The following GRAMD1C variants were observed in gnomAD, a reference collection of about 807,000 sequenced individuals.
GRAMD1C encodes protein Aster-C.
In GRAMD1C, 89 loss-of-function variants were observed where a neutral mutation model predicts 97.8. The ratio of observed to expected loss-of-function variants is 0.91; its 90% CI spans 0.77 to 1.09. GRAMD1C has a LOEUF of 1.09. Ranked by LOEUF, GRAMD1C falls within the 50% of genes least tolerant of loss-of-function variation. GRAMD1C has a pLI of 0.00. For missense variants in GRAMD1C, 740 were observed against 766.4 expected (o/e 0.97, Z 0.41); for synonymous variants, 256 against 267.0 (o/e 0.96, Z 0.40).
chr3:113,885,260 T>G, intron 6 of GRAMD1C: 1 of 1,255,608 alleles, frequency 8.0e-7, no homozygotes, highest in Non-Finnish European at 1.1e-6. Context: ...AGCTGGGCCG[T>G]GGGGGCCTCC....
At chr3:113,865,828 C>T (rs547096231) in intron 2 of GRAMD1C, among the ~76,000 whole-genome samples, 1 of 152,044 alleles carries the variant, frequency 6.6e-6, no homozygotes, top group Non-Finnish European at 1.5e-5. Context: ...TTTTCATATA[C>T]AGCTGTCAAG....
intron 14 of GRAMD1C, 132 bp downstream of exon 14, chr3:113,936,574 ACT>A (rs1937582786): frequency 3.5e-6 from 2 of 578,454 alleles, no homozygotes; most frequent in Non-Finnish European, 6.0e-6. Flanking sequence ...TGTTTATCAA[ACT>A]CTGATTTCCT....
intron 10 of GRAMD1C, among the ~76,000 whole-genome samples, chr3:113,920,699 C>G (rs1031478312): frequency 2.0e-5 from 3 of 151,930 alleles, no homozygotes; most frequent in Non-Finnish European, 4.4e-5. Context: ...CGCCACCATA[C>G]CCAGCTAATT....
intron 9 of GRAMD1C, among the ~76,000 whole-genome samples, chr3:113,912,097 A>G (rs1032296676): frequency 3.3e-5 from 5 of 152,192 alleles, no homozygotes; most frequent in Non-Finnish European, 5.9e-5. Context: ...GGGCTTTAAC[A>G]GAATAATTTG....
intron 2 of GRAMD1C, among the ~76,000 whole-genome samples, chr3:113,864,744 A>C (rs1934519311): frequency 6.6e-6 from 1 of 152,172 alleles, no homozygotes; most frequent in Non-Finnish European, 1.5e-5. Context: ...ATCTCTAAGA[A>C]GTTTCAGACT....
intron 5 of GRAMD1C, among the ~76,000 whole-genome samples, chr3:113,882,432 T>C (rs1935303929): frequency 6.6e-6 from 1 of 152,182 alleles, no homozygotes; most frequent in Non-Finnish European, 1.5e-5. Flanking sequence ...GTTTCATTTT[T>C]TCATAATTTT....
chr3:113,873,718 C>T (rs974845574), intron 3 of GRAMD1C, among the ~76,000 whole-genome samples: 1 of 152,066 alleles, frequency 6.6e-6, no homozygotes, highest in African/African-American at 2.4e-5. Context: ...GAGGTTTCAC[C>T]GTGTTGGCCA....
intron 2 of GRAMD1C, among the ~76,000 whole-genome samples, chr3:113,861,960 C>G (rs1282568222): frequency 6.6e-6 from 1 of 151,982 alleles, no homozygotes; most frequent in Non-Finnish European, 1.5e-5. Context: ...GCCCTCGAGC[C>G]GTAAAACCAG....
At chr3:113,829,489 T>C (rs1709531095) in intron 1 of GRAMD1C, among the ~76,000 whole-genome samples, 2 of 151,958 alleles carry the variant, frequency 1.3e-5, no homozygotes, top group African/African-American at 4.8e-5. Context: ...GTGTCCATTC[T>C]GTGTTTGCAT....
intron 2 of GRAMD1C, among the ~76,000 whole-genome samples, chr3:113,863,993 T>C (rs1423655161): frequency 6.6e-6 from 1 of 152,226 alleles, no homozygotes; most frequent in Non-Finnish European, 1.5e-5. Context: ...ATTTTCCAAA[T>C]TTTTATGCTC....
chr3:113,900,979 A>T (rs1456480124), intron 6 of GRAMD1C, 52 bp from the exon 7 acceptor site: 6 of 911,562 alleles, frequency 6.6e-6, no homozygotes, highest in Non-Finnish European at 1.1e-5. Context: ...AATCACTGTG[A>T]TATTATATTT....
chr3:113,937,300 A>G (rs1404601773), intron 14 of GRAMD1C, among the ~76,000 whole-genome samples: 5 of 152,206 alleles, frequency 3.3e-5, no homozygotes, highest in African/African-American at 1.2e-4. Context: ...AGTGTTGACT[A>G]TGTTTATCCA....
chr3:113,850,349 C>G (rs528010139), intron 2 of GRAMD1C: 2 of 757,926 alleles, frequency 2.6e-6, no homozygotes, highest in Non-Finnish European at 4.8e-6. Flanking sequence ...CACAAAACTC[C>G]GTCTGTAGGT....
chr3:113,934,450 A>G lies in GRAMD1C; in HGVS notation c.1371A>G (p.Lys457=). Residue 457 remains lysine, a synonymous_variant, in exon 13 of 18, where the codon AAA becomes AAG. Coordinates refer to ENST00000358160, the MANE Select transcript of GRAMD1C (RefSeq NM_017577.5). Reference sequence around the variant, plus strand: ...CTACTAGAGTTTCCACAGATTTGAAATACAGAAAACAGCCATGGGGCCTTG... The same window carrying G: ...CTACTAGAGTTTCCACAGATTTGAAGTACAGAAAACAGCCATGGGGCCTTG... The part of the protein sequence containing the change: ...KCRLRVSTDL[K]YRKQPWGLVK... The G allele has an allele frequency of 6.5e-7, 1 of 1,537,608 alleles. No homozygotes were observed. The highest frequency in any genetic ancestry group is 8.9e-7 in the Non-Finnish European group (1 of 1,120,958).
chr3:113,887,085 G>GTTTTTTTTGTT (rs1935524857), intron 6 of GRAMD1C, among the ~76,000 whole-genome samples: 1 of 71,456 alleles, frequency 1.4e-5, no homozygotes, highest in African/African-American at 4.5e-5. Flanking sequence ...TGGCCTTTTT[G>GTTTTTTTTGTT]TTTTTTTTTT....
rs1559795704 is a variant in GRAMD1C, at chr3:113,887,092, TTTTG to T, written c.540+4264_540+4267del. ...ACTGCGCCTGGCCTTTTTGTTTTTTTTTTGTTTTTTTTTTTTTTTGAGATAGAGT... is the reference window on the plus strand; with the variant it reads ...ACTGCGCCTGGCCTTTTTGTTTTTTTTTTTTTTTTTTTTTTGAGATAGAGT... On this transcript the variant is annotated intron_variant, in intron 6 of 17. Transcript: ENST00000358160. Among the ~76,000 whole-genome samples, 7 of 113,258 alleles carry T rather than the reference TTTTG, an allele frequency of 6.2e-5. 1 individual carries two copies. The highest frequency in any genetic ancestry group is 9.7e-5 in the Admixed American group (1 of 10,294). 74.3% of individuals were successfully genotyped at this position (113,258 alleles called of 152,430 possible).
chr3:113,921,598 T>A (rs1227168583), intron 10 of GRAMD1C, among the ~76,000 whole-genome samples: 1 of 152,230 alleles, frequency 6.6e-6, no homozygotes, highest in Non-Finnish European at 1.5e-5. Context: ...GCATTCCTTT[T>A]TCTCTGCAAC....
chr3:113,831,755 A>G (rs1709560128), intron 1 of GRAMD1C, among the ~76,000 whole-genome samples: 1 of 142,944 alleles, frequency 7.0e-6, no homozygotes. Flanking sequence ...TTTCAGCTCC[A>G]GAGTTTCTAT....
chr3:113,930,796 A>G lies in GRAMD1C; in HGVS notation c.1173A>G (p.Pro391=), dbSNP rs767145913. 1.9e-6 allele frequency: 3 copies of G among 1,609,330 alleles called. No individual in the cohort carries two copies. The highest frequency in any genetic ancestry group is 1.7e-5 in the Admixed American group (1 of 60,014). ...TMTYTIVLNS[P]LTGKCTAATE... ...CCTACACTATAGTCCTTAATAGTCC[A>G]CTTACTGGAAAATGCACTGCTGCCA... The change falls in exon 11 of 18, where the codon CCA becomes CCG. Residue 391 remains proline, a synonymous_variant. Coordinates refer to ENST00000358160, the MANE Select transcript of GRAMD1C (RefSeq NM_017577.5).
Sources: gnomAD v4.1 joint callset for allele counts (sites outside exome capture counted in the v4.1 genomes callset) on GRCh38, gnomAD v4.1.1 for gene constraint, MANE v1.5 for transcripts, NCBI Gene and HGNC (gene_info 2026-07-23, HGNC 2026-07-21) for gene names.